The following CTNND2 variants were observed in gnomAD, a reference collection of about 807,000 sequenced individuals.
CTNND2 encodes the protein catenin delta-2.
Under a neutral mutation model 144.4 loss-of-function variants are expected in CTNND2, and 22 were observed. That is an observed-to-expected ratio of 0.15 (90% CI 0.11 to 0.22). The LOEUF (loss-of-function observed/expected upper bound fraction) is 0.22, where lower values mean the gene tolerates loss of function less well. Ranked by LOEUF, CTNND2 falls within the 10% of genes least tolerant of loss-of-function variation. The pLI is 1.00. For synonymous variants in CTNND2, 751 were observed against 695.6 expected, an observed-to-expected ratio of 1.08 and a Z score of -1.25; for missense variants, 1,353 against 1,618.8, an observed-to-expected ratio of 0.84 and a Z score of 2.82.
rs77366354 is a variant in CTNND2 at position 11,575,483 on chromosome 5, C to T, written c.175-10427G>A. Among the ~76,000 whole-genome samples the T allele has an allele frequency of 2.8e-3, 420 of 152,260 alleles. 13 individuals are homozygous for T. In the East Asian group the frequency reaches 0.057, roughly 21 times the overall value. On this transcript the variant is annotated intron_variant, in intron 2 of 21. Coordinates refer to ENST00000304623, the MANE Select transcript of CTNND2 (RefSeq NM_001332.4). ...TCACTCTACCTCTCTCTCCCCTCTA[C>T]TCTCTGTGTCATCATTGTACATCCT...
chr5:11,801,966 G>A (rs559896362), intron 1 of CTNND2, among the ~76,000 whole-genome samples: 2 of 152,034 alleles, frequency 1.3e-5, no homozygotes, highest in African/African-American at 4.8e-5. Flanking sequence ...CTGCAGGCTC[G>A]AGTGTGTATC....
chr5:11,854,670 G>C (rs1464962928), intron 1 of CTNND2, among the ~76,000 whole-genome samples: 1 of 152,134 alleles, frequency 6.6e-6, no homozygotes, highest in Non-Finnish European at 1.5e-5. Context: ...CTTACAGAAG[G>C]TATATATTCC....
chr5:11,530,798 G>A (rs1018847016), intron 3 of CTNND2, among the ~76,000 whole-genome samples: 5 of 152,052 alleles, frequency 3.3e-5, no homozygotes, highest in Non-Finnish European at 7.4e-5. Context: ...ATGATGGTGT[G>A]GATTTTGGTA....
chr5:11,823,628 T>C (rs1561835366), intron 1 of CTNND2, among the ~76,000 whole-genome samples: 1 of 152,152 alleles, frequency 6.6e-6, no homozygotes. Context: ...TTATATAATA[T>C]TTTATAAGGC....
chr5:11,738,321 G>T (rs560452423), intron 1 of CTNND2, among the ~76,000 whole-genome samples: 5 of 152,288 alleles, frequency 3.3e-5, no homozygotes, highest in Non-Finnish European at 5.9e-5. Flanking sequence ...AAATTGGCCT[G>T]CATAACAATA....
chr5:11,818,079 A>T, intron 1 of CTNND2, among the ~76,000 whole-genome samples: 1 of 132,692 alleles, frequency 7.5e-6, no homozygotes, highest in Admixed American at 8.0e-5. Context: ...TTCATTTGGT[A>T]GGTTCTACAA....
intron 16 of CTNND2, among the ~76,000 whole-genome samples, chr5:11,060,966 T>A (rs1746901904): frequency 6.6e-6 from 1 of 152,092 alleles, no homozygotes; most frequent in African/African-American, 2.4e-5. Flanking sequence ...ACTATCTTTT[T>A]TTTTCTTTTT....
At chr5:11,817,714 T>G (rs1253497289) in intron 1 of CTNND2, among the ~76,000 whole-genome samples, 3 of 152,214 alleles carry the variant, frequency 2.0e-5, no homozygotes, top group African/African-American at 7.2e-5. Context: ...TCTCCACAGG[T>G]TACGGCGGGG....
intron 3 of CTNND2, among the ~76,000 whole-genome samples, chr5:11,490,725 T>C (rs78080093): frequency 0.013 from 1,980 of 152,332 alleles, 40 homozygotes; most frequent in African/African-American, 0.046. Flanking sequence ...TAAATATTAA[T>C]GAATATATCA....
At chr5:10,977,659 C>T (rs1278891216) in intron 21 of CTNND2, among the ~76,000 whole-genome samples, 1 of 152,110 alleles carries the variant, frequency 6.6e-6, no homozygotes, top group Non-Finnish European at 1.5e-5. Context: ...TGCTATGTTG[C>T]CCAAGCTGGT....
chr5:11,728,843 T>C (rs1009848683), intron 2 of CTNND2, among the ~76,000 whole-genome samples: 3 of 152,190 alleles, frequency 2.0e-5, no homozygotes, highest in Non-Finnish European at 2.9e-5. Flanking sequence ...GGTTGTCTTA[T>C]ATTTTTAACT....
intron 3 of CTNND2, among the ~76,000 whole-genome samples, chr5:11,453,854 C>T (rs1765495324): frequency 6.6e-6 from 1 of 152,090 alleles, no homozygotes; most frequent in Non-Finnish European, 1.5e-5. Flanking sequence ...ATTTATACTA[C>T]TCTTCTTGAA....
At position 10,988,184 on chromosome 5, in the gene CTNND2, G is replaced by A. The variant is rs1305417726; in HGVS notation, c.3270C>T (p.Tyr1090=). 6.2e-7 allele frequency: 1 copy of A among 1,614,204 alleles called. No homozygotes were observed. Residue 1090 remains tyrosine, a synonymous_variant, in exon 20 of 22, where the codon TAC becomes TAT. Transcript: ENST00000304623. The surrounding 1 kb of genome is among the most constrained non-coding windows in gnomAD (Gnocchi z 5.9). ...AGGTGGCGTTGCTGCCGGTGCACTC[G>A]TAGTCTGTTTTCCTTTCTTTGAGGC... The part of the protein sequence containing the change: ...MISLKERKTD[Y]ECTGSNATYH...
intron 12 of CTNND2, among the ~76,000 whole-genome samples, chr5:11,120,680 A>ATGGTGAGGCTCAGTAT (rs1754048287): frequency 1.3e-5 from 2 of 149,172 alleles, no homozygotes; most frequent in Non-Finnish European, 3.0e-5. Context: ...GTCTGCAGGC[A>ATGGTGAGGCTCAGTAT]ACATGAGGCT....
intron 16 of CTNND2, among the ~76,000 whole-genome samples, chr5:11,044,045 G>A (rs964359404): frequency 7.9e-5 from 12 of 152,220 alleles, no homozygotes; most frequent in African/African-American, 2.9e-4. Context: ...CACAGGCACA[G>A]GCCCTGCATC....
intron 2 of CTNND2, among the ~76,000 whole-genome samples, chr5:11,635,161 C>A (rs1781618328): frequency 6.6e-6 from 1 of 151,322 alleles, no homozygotes; most frequent in Non-Finnish European, 1.5e-5. Flanking sequence ...GAACATGGGG[C>A]AGTGCAAAGA....
intron 2 of CTNND2, among the ~76,000 whole-genome samples, chr5:11,658,466 A>C (rs1783024011): frequency 2.0e-5 from 3 of 152,174 alleles, no homozygotes; most frequent in Admixed American, 1.3e-4. Context: ...CCAGCAGATC[A>C]GATGCAGTCA....
intron 3 of CTNND2, among the ~76,000 whole-genome samples, chr5:11,471,977 C>A (rs1410567693): frequency 6.6e-6 from 1 of 152,100 alleles, no homozygotes; most frequent in African/African-American, 2.4e-5. Flanking sequence ...TCCCTGTTAC[C>A]ATATATAGAA....
intron 2 of CTNND2, among the ~76,000 whole-genome samples, chr5:11,585,147 T>C (rs1289264222): frequency 6.6e-6 from 1 of 152,054 alleles, no homozygotes; most frequent in Non-Finnish European, 1.5e-5. Flanking sequence ...GACCACCCTG[T>C]TTAAGGTTGT....
Sources: allele counts gnomAD v4.1 joint callset (sites outside exome capture counted in the v4.1 genomes callset), GRCh38; gene constraint gnomAD v4.1.1; non-coding constraint Gnocchi (gnomAD v3.1); transcripts MANE v1.5; gene names NCBI Gene and HGNC (gene_info 2026-07-23, HGNC 2026-07-21).